The following USH2A variants were observed in gnomAD, a reference collection of about 807,000 sequenced individuals.
The protein encoded by USH2A is Usher syndrome 2A (autosomal recessive, mild).
In USH2A, 443 loss-of-function variants were observed where a neutral mutation model predicts 538.9. That is an observed-to-expected ratio of 0.82 (90% CI 0.76 to 0.89). USH2A has a LOEUF of 0.89. Ranked by LOEUF, USH2A falls within the 40% of genes least tolerant of loss-of-function variation. The pLI is 0.00. For missense variants in USH2A, 6,633 were observed against 6,324.8 expected (o/e 1.05, Z -1.65); for synonymous variants, 2,413 against 2,273.5 (o/e 1.06, Z -1.75).
intron 38 of USH2A, among the ~76,000 whole-genome samples, chr1:215,905,760 G>A (rs1665625737): frequency 6.6e-6 from 1 of 152,016 alleles, no homozygotes; most frequent in Non-Finnish European, 1.5e-5. Flanking sequence ...CCATTTAGAT[G>A]TGGTGCTTCT....
intron 43 of USH2A, among the ~76,000 whole-genome samples, chr1:215,873,426 C>A (rs990074813): frequency 1.3e-5 from 2 of 152,128 alleles, no homozygotes; most frequent in Non-Finnish European, 2.9e-5. Context: ...TATAGAAACA[C>A]GTGTCATGGA....
At chr1:215,667,948 C>A (rs933270912) in intron 64 of USH2A, among the ~76,000 whole-genome samples, 17 of 151,982 alleles carry the variant, frequency 1.1e-4, no homozygotes, top group Admixed American at 7.2e-4. Flanking sequence ...TGGGGAGCCC[C>A]AGCTGATACT....
At chr1:215,683,181 G>A (rs1658295469) in intron 61 of USH2A, among the ~76,000 whole-genome samples, 1 of 151,542 alleles carries the variant, frequency 6.6e-6, no homozygotes, top group Non-Finnish European at 1.5e-5. Flanking sequence ...AGCCACTGCT[G>A]CATCTGGCTA....
At chr1:215,921,898 G>C (rs574714859) in intron 38 of USH2A, among the ~76,000 whole-genome samples, 112 of 151,904 alleles carry the variant, frequency 7.4e-4, no homozygotes, top group Non-Finnish European at 1.4e-3. Context: ...ATGCTATCTT[G>C]GTATGAGTGA....
rs149499602 is a variant in USH2A, at chr1:216,141,639, G to T, written c.4627+33613C>A. On this transcript the variant is annotated intron_variant, in intron 21 of 71. Coordinates refer to ENST00000307340, the MANE Select transcript of USH2A (RefSeq NM_206933.4). ...AGTTTTGTCTATACCTAGCATTGGA[G>T]TGGTCTGCAAAACCCCTTTAGACTT... Among the ~76,000 whole-genome samples, 4 of 152,270 alleles carry T rather than the reference G, an allele frequency of 2.6e-5. No homozygotes were observed. The East Asian group carries it at 7.7e-4, about 29-fold the overall frequency.
intron 64 of USH2A, among the ~76,000 whole-genome samples, chr1:215,652,769 A>C (rs1373115832): frequency 1.3e-5 from 2 of 152,198 alleles, no homozygotes; most frequent in Non-Finnish European, 2.9e-5. Flanking sequence ...AAGATTTAAA[A>C]CAATATTCTT....
chr1:216,344,280 T>C (rs1484474645), intron 4 of USH2A, among the ~76,000 whole-genome samples: 1 of 152,124 alleles, frequency 6.6e-6, no homozygotes, highest in Non-Finnish European at 1.5e-5. Flanking sequence ...TCTCCACAGC[T>C]AGTGTCTGTC....
intron 13 of USH2A, among the ~76,000 whole-genome samples, chr1:216,241,442 A>C (rs1250157702): frequency 6.6e-6 from 1 of 152,136 alleles, no homozygotes; most frequent in Admixed American, 6.5e-5. Context: ...CTGGATAATA[A>C]TACTAAATTT....
At chr1:215,946,638 C>G (rs1666763671) in intron 37 of USH2A, among the ~76,000 whole-genome samples, 1 of 152,194 alleles carries the variant, frequency 6.6e-6, no homozygotes, top group South Asian at 2.1e-4. Flanking sequence ...GTGTTAACAT[C>G]TTATACATGT....
intron 69 of USH2A, among the ~76,000 whole-genome samples, chr1:215,636,490 A>G (rs919762646): frequency 5.9e-5 from 9 of 152,188 alleles, no homozygotes; most frequent in Non-Finnish European, 1.2e-4. Context: ...TTAGGAACCA[A>G]TGTGTGTTGT....
intron 47 of USH2A, among the ~76,000 whole-genome samples, chr1:215,821,201 A>G (rs1017698376): frequency 1.3e-5 from 2 of 151,876 alleles, no homozygotes; most frequent in Admixed American, 1.3e-4. Context: ...TTACATTCCC[A>G]CCAACAGTGT....
chr1:215,738,639 C>G (rs115441272), intron 60 of USH2A, among the ~76,000 whole-genome samples: 213 of 152,018 alleles, frequency 1.4e-3, no homozygotes, highest in African/African-American at 4.8e-3. Context: ...AAATAAAGGA[C>G]AGTTACAGAA....
At chr1:215,844,272 C>A (rs897679014) in intron 46 of USH2A, 22 bp downstream of exon 46, 2 of 1,610,496 alleles carry the variant, frequency 1.2e-6, no homozygotes, top group African/African-American at 1.3e-5. Context: ...TAAGCCTAAC[C>A]ATCAAAAAAC....
chr1:215,942,249 T>C (rs1666652930), intron 37 of USH2A, among the ~76,000 whole-genome samples: 1 of 152,140 alleles, frequency 6.6e-6, no homozygotes, highest in Non-Finnish European at 1.5e-5. Context: ...TTTCTTCCCA[T>C]ATGGGCCTCC....
chr1:215,934,975 A>G (rs899558777), intron 37 of USH2A, among the ~76,000 whole-genome samples, 180 bp from the exon 38 acceptor site: 3 of 152,042 alleles, frequency 2.0e-5, no homozygotes, highest in Non-Finnish European at 2.9e-5. Context: ...TTATCTTGTG[A>G]ACAAAAGTGC....
chr1:216,171,790 T>C (rs985442251), intron 21 of USH2A, among the ~76,000 whole-genome samples: 1 of 152,100 alleles, frequency 6.6e-6, no homozygotes, highest in Non-Finnish European at 1.5e-5. Flanking sequence ...AGTTGTCTAA[T>C]TACATTTAGC....
At chr1:215,945,494 A>G (rs1446921775) in intron 37 of USH2A, among the ~76,000 whole-genome samples, 1 of 152,168 alleles carries the variant, frequency 6.6e-6, no homozygotes, top group Non-Finnish European at 1.5e-5. Context: ...GTTTGTAGCC[A>G]CCAGTTGTAT....
chr1:216,146,756 C>A (rs12561852), intron 21 of USH2A, among the ~76,000 whole-genome samples: 30,452 of 151,934 alleles, frequency 0.2, 3,113 homozygotes, highest in Non-Finnish European at 0.22. Flanking sequence ...CTCCCCTCCT[C>A]CGTGTCTCTA....
At chr1:215,924,893 A>G (rs558836210) in intron 38 of USH2A, among the ~76,000 whole-genome samples, 3 of 152,160 alleles carry the variant, frequency 2.0e-5, no homozygotes, top group African/African-American at 7.2e-5. Context: ...GCAAATATGG[A>G]GAGCTGGCAG....
Sources: gnomAD v4.1 joint callset for allele counts (sites outside exome capture counted in the v4.1 genomes callset) on GRCh38, gnomAD v4.1.1 for gene constraint, MANE v1.5 for transcripts, NCBI Gene and HGNC (gene_info 2026-07-23, HGNC 2026-07-21) for gene names.